Variants in MEI4 observed in about 807,000 individuals in gnomAD.
MEI4 encodes meiosis-specific protein MEI4.
MEI4 carries 27 observed loss-of-function variants against 31.4 expected under a neutral mutation model. The ratio of observed to expected loss-of-function variants is 0.86; its 90% confidence interval spans 0.63 to 1.19. MEI4 has a LOEUF of 1.19. Ranked by LOEUF, MEI4 falls within the 50% of genes most tolerant of loss-of-function variation. The pLI is 0.00. For synonymous variants in MEI4, 122 were observed against 145.4 expected, an observed-to-expected ratio of 0.84 and a Z score of 1.16; for missense variants, 329 against 398.9, an observed-to-expected ratio of 0.82 and a Z score of 1.49.
chr6:77,840,852 A>G (rs6901044), intron 4 of MEI4, among the ~76,000 whole-genome samples: 7,309 of 152,268 alleles, frequency 0.048, 521 homozygotes, highest in African/African-American at 0.15. Flanking sequence ...TGGTGGCTCC[A>G]AGATTTTGGA....
intron 2 of MEI4, among the ~76,000 whole-genome samples, chr6:77,699,886 G>A (rs951322291): frequency 4.6e-5 from 7 of 152,024 alleles, no homozygotes; most frequent in Non-Finnish European, 1.0e-4. Flanking sequence ...AGTGGCTGCA[G>A]AACAGCGGTG....
At chr6:77,800,235 G>T (rs1270384470) in intron 3 of MEI4, among the ~76,000 whole-genome samples, 1 of 151,860 alleles carries the variant, frequency 6.6e-6, no homozygotes, top group Non-Finnish European at 1.5e-5. Flanking sequence ...GGATTCCTAG[G>T]TATTTTATTC....
At chr6:77,679,862 T>A (rs1346736331) in intron 1 of MEI4, among the ~76,000 whole-genome samples, 1 of 150,986 alleles carries the variant, frequency 6.6e-6, no homozygotes, top group Non-Finnish European at 1.5e-5. Context: ...TGCCTCAACC[T>A]CCCGAGTAGC....
At chr6:77,824,548 T>C (rs527703266) in intron 3 of MEI4, among the ~76,000 whole-genome samples, 2 of 152,296 alleles carry the variant, frequency 1.3e-5, no homozygotes, top group South Asian at 4.1e-4. Flanking sequence ...AAATGCTTAA[T>C]AAATTGTCTT....
chr6:77,683,700 T>G (rs971156014), intron 1 of MEI4, among the ~76,000 whole-genome samples: 3 of 152,178 alleles, frequency 2.0e-5, no homozygotes, highest in Non-Finnish European at 4.4e-5. Context: ...GTTTTTCAGG[T>G]TCATTAATGC....
intron 4 of MEI4, among the ~76,000 whole-genome samples, chr6:77,890,036 C>G (rs966310558): frequency 6.6e-6 from 1 of 152,220 alleles, no homozygotes; most frequent in African/African-American, 2.4e-5. Flanking sequence ...GCAGAGCCCT[C>G]ATGAAGAACC....
chr6:77,921,075 C>T (rs1214205091), intron 4 of MEI4, among the ~76,000 whole-genome samples: 1 of 151,872 alleles, frequency 6.6e-6, no homozygotes, highest in Non-Finnish European at 1.5e-5. Context: ...GCATTTATTT[C>T]TCCCCTGTAG....
chr6:77,821,799 C>A (rs1394389761), intron 3 of MEI4, among the ~76,000 whole-genome samples: 5 of 93,044 alleles, frequency 5.4e-5, no homozygotes, highest in African/African-American at 8.6e-5. Context: ...GCCATCTCTC[C>A]AAAAAAAAAA....
intron 2 of MEI4, among the ~76,000 whole-genome samples, chr6:77,695,295 T>C (rs1175667165): frequency 6.6e-6 from 1 of 152,116 alleles, no homozygotes; most frequent in African/African-American, 2.4e-5. Context: ...ATTTTGGCTT[T>C]TGTTGCCATT....
intron 4 of MEI4, among the ~76,000 whole-genome samples, chr6:77,920,851 T>C: frequency 6.6e-6 from 1 of 151,934 alleles, no homozygotes; most frequent in Non-Finnish European, 1.5e-5. Flanking sequence ...TCTTCTGAGC[T>C]GTAAGTCTCA....
intron 2 of MEI4, among the ~76,000 whole-genome samples, chr6:77,744,199 G>C (rs898055213): frequency 3.3e-5 from 5 of 151,982 alleles, no homozygotes; most frequent in Admixed American, 2.6e-4. Flanking sequence ...CAAACCAAAG[G>C]CAAAGAAGTT....
intron 2 of MEI4, among the ~76,000 whole-genome samples, chr6:77,754,197 C>T (rs568412416): frequency 6.6e-6 from 1 of 152,128 alleles, no homozygotes; most frequent in African/African-American, 2.4e-5. Flanking sequence ...CATGTGAATA[C>T]CTATGTAACA....
intron 4 of MEI4, among the ~76,000 whole-genome samples, chr6:77,881,338 C>T (rs1228330956): frequency 6.6e-6 from 1 of 152,104 alleles, no homozygotes; most frequent in East Asian, 1.9e-4. Flanking sequence ...GGAAGAGCCT[C>T]CTGGGTCTAA....
At chr6:77,840,087 T>C (rs1014258674) in intron 4 of MEI4, among the ~76,000 whole-genome samples, 1 of 152,128 alleles carries the variant, frequency 6.6e-6, no homozygotes, top group Non-Finnish European at 1.5e-5. Flanking sequence ...TTAGGAAATA[T>C]ATGTGTTGTG....
At chr6:77,890,035 T>A (rs1251640440) in intron 4 of MEI4, among the ~76,000 whole-genome samples, 1 of 152,156 alleles carries the variant, frequency 6.6e-6, no homozygotes, top group Non-Finnish European at 1.5e-5. Context: ...GGCAGAGCCC[T>A]CATGAAGAAC....
At chr6:77,858,312 C>G (rs1204384875) in intron 4 of MEI4, among the ~76,000 whole-genome samples, 2 of 152,070 alleles carry the variant, frequency 1.3e-5, no homozygotes, top group African/African-American at 4.8e-5. Context: ...TGTACCTAGT[C>G]TAGTTAATGC....
intron 2 of MEI4, among the ~76,000 whole-genome samples, chr6:77,703,699 A>G (rs1256588619): frequency 6.6e-6 from 1 of 152,218 alleles, no homozygotes; most frequent in African/African-American, 2.4e-5. Flanking sequence ...TTTTAGGATA[A>G]CTTTAATGTG....
At chr6:77,743,228 T>G (rs958678423) in intron 2 of MEI4, among the ~76,000 whole-genome samples, 1 of 152,166 alleles carries the variant, frequency 6.6e-6, no homozygotes, top group African/African-American at 2.4e-5. Flanking sequence ...GCCATTATCA[T>G]GATATTGATT....
intron 4 of MEI4, among the ~76,000 whole-genome samples, chr6:77,871,014 C>T (rs1056687292): frequency 7.2e-5 from 11 of 152,056 alleles, no homozygotes; most frequent in East Asian, 1.9e-4. Context: ...AATAATGATA[C>T]GGCTCATTTT....
Sources: gnomAD v4.1 joint callset for allele counts (sites outside exome capture counted in the v4.1 genomes callset) on GRCh38, gnomAD v4.1.1 for gene constraint, MANE v1.5 for transcripts, NCBI Gene and HGNC (gene_info 2026-07-23, HGNC 2026-07-21) for gene names.